HS3ST3B1: variants seen among roughly 807,000 people sequenced by gnomAD.
HS3ST3B1 encodes the protein heparan sulfate glucosamine 3-O-sulfotransferase 3B1.
Under a neutral mutation model 21.3 loss-of-function variants are expected in HS3ST3B1, and 13 were observed. The observed-to-expected ratio is 0.61, with a 90% CI of 0.40 to 0.97. The LOEUF is 0.97. Among genes scored for constraint, HS3ST3B1 ranks in the 50% least tolerant of loss-of-function variants. HS3ST3B1 has a pLI of 0.00. For synonymous variants in HS3ST3B1, 234 were observed against 254.8 expected, an observed-to-expected ratio of 0.92 and a Z score of 0.78; for missense variants, 459 against 554.8, an observed-to-expected ratio of 0.83 and a Z score of 1.73.
At chr17:14,313,560 TC>T (rs1421639693) in intron 1 of HS3ST3B1, among the ~76,000 whole-genome samples, 2 of 152,128 alleles carry the variant, frequency 1.3e-5, no homozygotes, top group Non-Finnish European at 2.9e-5. Flanking sequence ...CCCCAAGACT[TC>T]CCTCCGTCAT....
At chr17:14,318,545 G>A (rs1220044408) in intron 1 of HS3ST3B1, among the ~76,000 whole-genome samples, 1 of 152,202 alleles carries the variant, frequency 6.6e-6, no homozygotes, top group African/African-American at 2.4e-5. Context: ...AACCTTCCAT[G>A]TTAGCATATA....
chr17:14,315,681 C>G (rs886224368), intron 1 of HS3ST3B1, among the ~76,000 whole-genome samples: 9 of 151,894 alleles, frequency 5.9e-5, no homozygotes, highest in Non-Finnish European at 1.0e-4. Flanking sequence ...AAATGCCAGG[C>G]GTGGTGGCGG....
chr17:14,329,349 G>C (rs1243079078), intron 1 of HS3ST3B1: 1 of 100,538 alleles, frequency 9.9e-6, no homozygotes, highest in Admixed American at 1.3e-4. Flanking sequence ...AAGAAAGAAA[G>C]AAAGAAAGAA....
intron 1 of HS3ST3B1, among the ~76,000 whole-genome samples, chr17:14,326,637 G>A (rs1909825786): frequency 6.6e-6 from 1 of 152,064 alleles, no homozygotes; most frequent in Non-Finnish European, 1.5e-5. Flanking sequence ...CTTGGGGCAG[G>A]CTCAGGGGCC....
intron 1 of HS3ST3B1, among the ~76,000 whole-genome samples, chr17:14,338,314 T>C (rs193233732): frequency 2.6e-4 from 40 of 151,488 alleles, no homozygotes; most frequent in South Asian, 1.7e-3. Flanking sequence ...TTAGTAGAGA[T>C]GGGGTTTCAT....
intron 1 of HS3ST3B1, among the ~76,000 whole-genome samples, chr17:14,314,491 T>G (rs114490806): frequency 0.037 from 5,705 of 152,268 alleles, 211 homozygotes; most frequent in African/African-American, 0.097. Context: ...CTATCTCACC[T>G]TCTACCACCA....
At position 14,301,741 on chromosome 17, in the gene HS3ST3B1, C is replaced by A. The variant is rs1908936297; in HGVS notation, c.223C>A (p.Pro75Thr). The A allele has an allele frequency of 1.3e-6, 2 of 1,596,372 alleles. No homozygotes were observed. Among genetic ancestry groups the A allele is most frequent in the African/African-American group, 1.3e-5 (1 of 74,570 alleles). Reference protein sequence around the residue: ...GSGSRAAHDPPALATAPDGTP... With the variant: ...GSGSRAAHDPTALATAPDGTP... ...TGGGTCCCGCGCCGCACACGACCCG[C>A]CAGCCCTGGCCACAGCTCCGGACGG... Residue 75 changes from proline (P) to threonine (T), a missense_variant, in exon 1 of 2, where the codon CCA (proline) becomes ACA (threonine). Around this residue, in one of 3 missense-constraint regions of HS3ST3B1, gnomAD observed 317 missense variants for 278.6 expected, o/e 1.14. Coordinates refer to ENST00000360954, the MANE Select transcript of HS3ST3B1 (RefSeq NM_006041.3).
In HS3ST3B1 at chr17:14,303,084, C is replaced by T. The variant is rs1009854681; in HGVS notation, c.554+1012C>T. ...TCTTTGGGGTGAGCTGTTGGGTTGCCCGAGCTTCGGGTAAGGCGCGAGTGG... is the reference window on the plus strand; with the variant it reads ...TCTTTGGGGTGAGCTGTTGGGTTGCTCGAGCTTCGGGTAAGGCGCGAGTGG... On this transcript the variant is annotated intron_variant, in intron 1 of 1. Transcript: ENST00000360954. The surrounding 1 kb of genome is among the most constrained non-coding windows in gnomAD (Gnocchi z 5.7). 3.9e-5 allele frequency among the ~76,000 whole-genome samples: 6 copies of T among 152,052 alleles called. No individual in the cohort carries two copies. Among genetic ancestry groups the T allele is most frequent in the African/African-American group, 1.4e-4 (6 of 41,402 alleles).
chr17:14,336,334 G>A (rs1268999973), intron 1 of HS3ST3B1, among the ~76,000 whole-genome samples: 2 of 152,194 alleles, frequency 1.3e-5, no homozygotes, highest in South Asian at 2.1e-4. Context: ...GGCTATAGGA[G>A]GAGGGATATC....
At chr17:14,330,307 G>T (rs1280119776) in intron 1 of HS3ST3B1, among the ~76,000 whole-genome samples, 1 of 152,152 alleles carries the variant, frequency 6.6e-6, no homozygotes, top group African/African-American at 2.4e-5. Flanking sequence ...TGGTATGTGG[G>T]GAGGGGTGGG....
intron 1 of HS3ST3B1, among the ~76,000 whole-genome samples, chr17:14,313,556 G>T (rs1909401069): frequency 6.6e-6 from 1 of 152,080 alleles, no homozygotes; most frequent in Non-Finnish European, 1.5e-5. Flanking sequence ...CCTTCCCCAA[G>T]ACTTCCCTCC....
Position 14,301,883 on chromosome 17 carries a change from C to G in HS3ST3B1, c.365C>G (p.Pro122Arg). Residue 122 changes from proline to arginine, a missense_variant, in exon 1 of 2, where the codon CCA becomes CGA. Around this residue, in one of 3 missense-constraint regions of HS3ST3B1, gnomAD observed 317 missense variants for 278.6 expected, o/e 1.14. Transcript: ENST00000360954. ...EEQSPEVPDS[P>R]SPISSFFSGS... is the part of the protein sequence containing the mutation. ...CAGAGTCCCGAGGTGCCGGACTCCC[C>G]AAGCCCCATCTCCAGCTTTTTCAGT... is the stretch of plus-strand genomic sequence containing the variant. 1 of 1,606,616 alleles carries G rather than the reference C, an allele frequency of 6.2e-7. No homozygotes were observed. The highest frequency in any genetic ancestry group is 8.5e-7 in the Non-Finnish European group (1 of 1,177,558).
rs369400254 is a variant in HS3ST3B1, at chr17:14,301,968, G to T, written c.450G>T (p.Thr150=). 2 of 1,608,512 alleles carry T rather than the reference G, an allele frequency of 1.2e-6. No individual in the cohort carries two copies. Among genetic ancestry groups the T allele is most frequent in the African/African-American group, 1.3e-5 (1 of 74,904 alleles). The change falls in exon 1 of 2, where the codon ACG becomes ACT. Residue 150 remains threonine, a synonymous_variant. Transcript: ENST00000360954. The stretch of plus-strand genomic sequence containing the variant: ...TCATCGGCGTGAAGAAGGGCGGCAC[G>T]CGGGCGCTGCTGGAGTTTCTGCGCG... The part of the protein sequence containing the change: ...AIIIGVKKGG[T]RALLEFLRVH...
intron 1 of HS3ST3B1, among the ~76,000 whole-genome samples, chr17:14,322,734 G>A (rs1909693850): frequency 6.6e-6 from 1 of 151,918 alleles, no homozygotes; most frequent in Admixed American, 6.6e-5. Flanking sequence ...CCCATTCACT[G>A]ACCCCTAACA....
At position 14,345,859 on chromosome 17, in the gene HS3ST3B1, A is replaced by G; in HGVS notation, c.*213A>G. The G allele has an allele frequency of 1.8e-6, 1 of 562,626 alleles. No homozygotes were observed. Among genetic ancestry groups the G allele is most frequent in the Non-Finnish European group, 2.9e-6 (1 of 340,760 alleles). The allele number at this position is 562,626 out of a possible 1,614,324, so 34.9% of individuals were successfully genotyped here. A position where few individuals can be genotyped will look rare whatever the true frequency, so the allele number is the denominator to read the frequency against. ...ACTCTAGTATTTCGTTCTCTTCTTCACAATTGATGGTGCTTCTATTTTTTC... is the reference window on the plus strand; with the variant it reads ...ACTCTAGTATTTCGTTCTCTTCTTCGCAATTGATGGTGCTTCTATTTTTTC... On this transcript the variant is annotated 3_prime_UTR_variant, in exon 2 of 2. Transcript: ENST00000360954.
intron 1 of HS3ST3B1, among the ~76,000 whole-genome samples, chr17:14,343,760 A>G (rs1264472322): frequency 6.6e-6 from 1 of 152,220 alleles, no homozygotes; most frequent in Non-Finnish European, 1.5e-5. Context: ...AGTTGCTTCC[A>G]TATCTTGTCA....
intron 1 of HS3ST3B1, among the ~76,000 whole-genome samples, chr17:14,316,874 A>G (rs1909517027): frequency 6.6e-6 from 1 of 152,228 alleles, no homozygotes; most frequent in South Asian, 2.1e-4. Flanking sequence ...ACCTGTTTGT[A>G]TAAAACTAAA....
intron 1 of HS3ST3B1, among the ~76,000 whole-genome samples, chr17:14,315,303 G>C (rs114715649): frequency 1.5e-3 from 236 of 152,296 alleles, no homozygotes; most frequent in African/African-American, 5.4e-3. Context: ...TATTGCATGT[G>C]ATGAGCACAC....
rs1909697459 is a variant in HS3ST3B1 at position 14,322,822 on chromosome 17, G to C, written c.554+20750G>C. On this transcript the variant is annotated intron_variant, in intron 1 of 1. Coordinates refer to ENST00000360954, the MANE Select transcript of HS3ST3B1 (RefSeq NM_006041.3). ...TGGACAGCTGCTGGGCTGTGCCAAG[G>C]CTCTTAATCTGGGCCCACAGTTGCT... 2.6e-5 allele frequency among the ~76,000 whole-genome samples: 4 copies of C among 151,938 alleles called. No individual in the cohort carries two copies. The South Asian group carries it at 6.3e-4, about 24-fold the overall frequency.
Sources: allele counts gnomAD v4.1 joint callset (sites outside exome capture counted in the v4.1 genomes callset), GRCh38; gene constraint gnomAD v4.1.1; regional missense constraint gnomAD v4.1.1; non-coding constraint Gnocchi (gnomAD v3.1); transcripts MANE v1.5; gene names NCBI Gene and HGNC (gene_info 2026-07-23, HGNC 2026-07-21).